Variants in SLC24A3 observed in about 807,000 individuals in gnomAD.
SLC24A3 encodes sodium/potassium/calcium exchanger 3.
A neutral mutation model predicts 75.8 loss-of-function variants in SLC24A3; 28 were observed. That is an observed-to-expected ratio of 0.37 (90% CI 0.27 to 0.51). The LOEUF (loss-of-function observed/expected upper bound fraction) is 0.51, where lower values mean the gene tolerates loss of function less well. Among genes scored for constraint, SLC24A3 ranks in the 20% least tolerant of loss-of-function variants. The pLI is 0.94. For missense variants in SLC24A3, 663 were observed against 847.8 expected (o/e 0.78, Z 2.71); for synonymous variants, 372 against 334.1 (o/e 1.11, Z -1.24).
chr20:19,690,750 G>A (rs1050103314), intron 12 of SLC24A3, among the ~76,000 whole-genome samples: 1 of 144,736 alleles, frequency 6.9e-6, no homozygotes, highest in African/African-American at 2.5e-5. Flanking sequence ...TCTCAGCCAG[G>A]CTTCTTGATT....
rs1203691867 is a variant in SLC24A3, at chr20:19,490,702, AGACCCACCTTCCT to A, written c.272-24783_272-24771del. ...CCTCAATTTGGTAGTTCCACACCTC[AGACCCACCTTCCT>A]GAGGGATGTGGGATTTCATGTGCTC... On this transcript the variant is annotated intron_variant, in intron 2 of 16. Transcript: ENST00000328041. 2.0e-5 allele frequency among the ~76,000 whole-genome samples: 3 copies of A among 152,344 alleles called. No individual in the cohort carries two copies. The East Asian group carries it at 5.8e-4, about 29-fold the overall frequency.
chr20:19,692,163 T>C (rs1241570804), intron 12 of SLC24A3, among the ~76,000 whole-genome samples: 1 of 152,234 alleles, frequency 6.6e-6, no homozygotes, highest in Admixed American at 6.5e-5. Flanking sequence ...TGTTATAATA[T>C]AAAAATTCCT....
intron 2 of SLC24A3, among the ~76,000 whole-genome samples, chr20:19,458,195 A>G (rs1486395576): frequency 2.0e-5 from 3 of 152,032 alleles, no homozygotes; most frequent in African/African-American, 7.3e-5. Context: ...ACACACACAC[A>G]CACGTACGTC....
chr20:19,323,855 T>C (rs1258256441), intron 2 of SLC24A3, among the ~76,000 whole-genome samples: 1 of 152,236 alleles, frequency 6.6e-6, no homozygotes, highest in Non-Finnish European at 1.5e-5. Flanking sequence ...TTAAAAAAGT[T>C]TTTTTGATAG....
intron 2 of SLC24A3, among the ~76,000 whole-genome samples, chr20:19,305,035 G>T (rs1047528016): frequency 1.3e-5 from 2 of 152,142 alleles, no homozygotes; most frequent in Non-Finnish European, 2.9e-5. Context: ...GCCCAAGTGG[G>T]ATATGAGCGG....
chr20:19,256,241 A>G (rs1982809681), intron 1 of SLC24A3, among the ~76,000 whole-genome samples: 1 of 152,240 alleles, frequency 6.6e-6, no homozygotes, highest in Non-Finnish European at 1.5e-5. Context: ...CAAAGCCCAC[A>G]TACTGTACAA....
At chr20:19,317,383 C>A (rs1249031977) in intron 2 of SLC24A3, among the ~76,000 whole-genome samples, 2 of 152,212 alleles carry the variant, frequency 1.3e-5, no homozygotes. Context: ...TTAGAATCAT[C>A]TCATTTCTGT....
intron 2 of SLC24A3, among the ~76,000 whole-genome samples, chr20:19,442,021 T>C (rs940889586): frequency 6.6e-6 from 1 of 152,234 alleles, no homozygotes; most frequent in Admixed American, 6.5e-5. Flanking sequence ...CTATATCATT[T>C]TGAGGCTTGA....
intron 2 of SLC24A3, among the ~76,000 whole-genome samples, chr20:19,403,969 C>T (rs1986597991): frequency 6.6e-6 from 1 of 152,204 alleles, no homozygotes; most frequent in Non-Finnish European, 1.5e-5. Context: ...GCTCAGGTCT[C>T]CTGTGTGCTT....
chr20:19,461,191 C>T (rs1600238892), intron 2 of SLC24A3, among the ~76,000 whole-genome samples: 1 of 152,140 alleles, frequency 6.6e-6, no homozygotes, highest in Non-Finnish European at 1.5e-5. Context: ...AACAAGCCTT[C>T]AGGGAGGAGC....
intron 2 of SLC24A3, among the ~76,000 whole-genome samples, chr20:19,319,523 C>T (rs982268664): frequency 1.3e-5 from 2 of 152,174 alleles, no homozygotes; most frequent in Non-Finnish European, 2.9e-5. Flanking sequence ...GATACTTCTG[C>T]GGGTGTGGCT....
At position 19,408,655 on chromosome 20, in the gene SLC24A3, G is replaced by T. The variant is rs887963508; in HGVS notation, c.272-106833G>T. On this transcript the variant is annotated intron_variant, in intron 2 of 16. Coordinates refer to ENST00000328041, the MANE Select transcript of SLC24A3 (RefSeq NM_020689.4). ...TCCACCCACCTCAGCCTCCCAAAGTGCTGGGATTACAGGTGTCAGCCACCA... is the reference window on the plus strand; with the variant it reads ...TCCACCCACCTCAGCCTCCCAAAGTTCTGGGATTACAGGTGTCAGCCACCA... 2.6e-5 allele frequency among the ~76,000 whole-genome samples: 4 copies of T among 152,274 alleles called. No individual in the cohort carries two copies. The South Asian group carries it at 8.3e-4, about 32-fold the overall frequency.
chr20:19,648,624 A>G (rs2032165853), intron 6 of SLC24A3, among the ~76,000 whole-genome samples: 1 of 152,102 alleles, frequency 6.6e-6, no homozygotes, highest in South Asian at 2.1e-4. Flanking sequence ...CATATATAAA[A>G]ATAGCTGTAT....
intron 6 of SLC24A3, among the ~76,000 whole-genome samples, chr20:19,642,435 C>T (rs1452585122): frequency 6.6e-6 from 1 of 152,214 alleles, no homozygotes; most frequent in Non-Finnish European, 1.5e-5. Context: ...AGTGCATAGG[C>T]AGCACTCTTG....
At position 19,585,450 on chromosome 20, in the gene SLC24A3, T is replaced by C. The variant is rs1379991118; in HGVS notation, c.518T>C (p.Ile173Thr). Residue 173 changes from isoleucine (I) to threonine (T), a missense_variant, in exon 6 of 17, where the codon ATC becomes ACC. Physicochemically the swap from Ile to Thr is moderately conservative, Grantham distance 89. Transcript: ENST00000328041. ...ELFTSVIGVF[I>T]TKGDVGVGTI... The stretch of plus-strand genomic sequence containing the variant: ...GGGATCTGTGTTTCAGGGGTCTTCA[T>C]CACCAAAGGCGATGTGGGAGTTGGC... 6.2e-7 allele frequency: 1 copy of C among 1,613,962 alleles called. No homozygotes were observed. The highest frequency in any genetic ancestry group is 1.3e-5 in the African/African-American group (1 of 74,908).
intron 1 of SLC24A3, among the ~76,000 whole-genome samples, chr20:19,247,242 G>A: frequency 6.6e-6 from 1 of 152,148 alleles, no homozygotes; most frequent in East Asian, 1.9e-4. Flanking sequence ...GGCATTGCCT[G>A]GTGAGTGAGC....
At chr20:19,652,061 A>T (rs930414569) in intron 6 of SLC24A3, among the ~76,000 whole-genome samples, 5 of 152,218 alleles carry the variant, frequency 3.3e-5, no homozygotes, top group African/African-American at 1.2e-4. Context: ...TTAAATTCTT[A>T]AACAGTCTTT....
intron 1 of SLC24A3, among the ~76,000 whole-genome samples, chr20:19,249,781 C>T (rs1398474793): frequency 6.6e-6 from 1 of 152,182 alleles, no homozygotes; most frequent in East Asian, 1.9e-4. Context: ...ATGTTAATTG[C>T]ATGATGATTT....
At chr20:19,596,172 G>A (rs907064385) in intron 6 of SLC24A3, among the ~76,000 whole-genome samples, 3 of 152,284 alleles carry the variant, frequency 2.0e-5, no homozygotes, top group Admixed American at 2.0e-4. Context: ...CAACTGCTTG[G>A]CAGAGAAAGG....
Sources: allele counts gnomAD v4.1 joint callset (sites outside exome capture counted in the v4.1 genomes callset), GRCh38; gene constraint gnomAD v4.1.1; transcripts MANE v1.5; gene names NCBI Gene and HGNC (gene_info 2026-07-23, HGNC 2026-07-21).